KATNA1: variants seen among roughly 807,000 people sequenced by gnomAD.
KATNA1 encodes katanin p60 ATPase-containing subunit A1.
In KATNA1, 42 loss-of-function variants were observed where a neutral mutation model predicts 62.6. The ratio of observed to expected loss-of-function variants is 0.67; its 90% CI spans 0.52 to 0.87. KATNA1 has a LOEUF of 0.87. Ranked by LOEUF, KATNA1 falls within the 40% of genes least tolerant of loss-of-function variation. The pLI, the probability that KATNA1 is intolerant of heterozygous loss-of-function variation, is 0.00. For synonymous variants in KATNA1, 186 were observed against 201.9 expected, an observed-to-expected ratio of 0.92 and a Z score of 0.67; for missense variants, 498 against 612.5, an observed-to-expected ratio of 0.81 and a Z score of 1.97.
chr6:149,618,823 C>T (rs1329210157), intron 4 of KATNA1, among the ~76,000 whole-genome samples: 1 of 152,064 alleles, frequency 6.6e-6, no homozygotes. Context: ...ATATATAAAA[C>T]CAACTCAAAA....
At chr6:149,610,456 C>A (rs923452989) in intron 4 of KATNA1, among the ~76,000 whole-genome samples, 2 of 151,980 alleles carry the variant, frequency 1.3e-5, no homozygotes, top group Non-Finnish European at 2.9e-5. Flanking sequence ...TATCTTAAGC[C>A]AAAAACAAAC....
intron 4 of KATNA1, among the ~76,000 whole-genome samples, chr6:149,616,363 C>G (rs541410152): frequency 7.4e-4 from 112 of 152,106 alleles, no homozygotes; most frequent in Admixed American, 2.1e-3. Context: ...TCAAAGAAAC[C>G]CGAAAATAAC....
rs370641275 is a variant in KATNA1, at chr6:149,601,578, T to A, written c.888+16A>T. 14 of 1,587,558 alleles carry A rather than the reference T, an allele frequency of 8.8e-6. No homozygotes were observed. Among genetic ancestry groups the A allele is most frequent in the Non-Finnish European group, 1.0e-5 (12 of 1,167,444 alleles). ...TAGAGAGGTAAAGAATCATTAGAGC[T>A]GTCTCAAACATTCACCATTTCAAAC... On this transcript the variant is annotated intron_variant, in intron 7 of 10. Coordinates refer to ENST00000367411, the MANE Select transcript of KATNA1 (RefSeq NM_007044.4).
In KATNA1 at chr6:149,599,612, G is replaced by C. The variant is rs117937568; in HGVS notation, c.889-1262C>G. The stretch of plus-strand genomic sequence containing the variant: ...CTCTCTCTGTAACCTCTGCCACCCC[G>C]GTTCAAGCAATTCTCCTGCCTCAGC... On this transcript the variant is annotated intron_variant, in intron 7 of 10. Transcript: ENST00000367411. Among the ~76,000 whole-genome samples the C allele has an allele frequency of 7.6e-4, 115 of 151,750 alleles. 1 individual carries two copies. The highest frequency in any genetic ancestry group is 3.3e-3 in the South Asian group (16 of 4,794).
chr6:149,621,200 T>C (rs1398307582), intron 4 of KATNA1, among the ~76,000 whole-genome samples: 1 of 150,974 alleles, frequency 6.6e-6, no homozygotes, highest in Non-Finnish European at 1.5e-5. Context: ...CTTAGGTCAC[T>C]GCAAGCTCCA....
chr6:149,599,561 CCTCCCCTCTCCCCT>C (rs766418898), intron 7 of KATNA1, among the ~76,000 whole-genome samples: 3 of 147,052 alleles, frequency 2.0e-5, no homozygotes, highest in Non-Finnish European at 3.1e-5. Context: ...TTCTTTCTTT[CCTCCCCTCTCCCCT>C]CTCCCCTCTC....
chr6:149,628,356 GC>G (rs1779700617), intron 3 of KATNA1, among the ~76,000 whole-genome samples: 1 of 149,220 alleles, frequency 6.7e-6, no homozygotes, highest in African/African-American at 2.5e-5. Context: ...GCATCCGCCC[GC>G]CTCGACCTCC....
chr6:149,634,596 C>T (rs2114614686), intron 2 of KATNA1, among the ~76,000 whole-genome samples: 1 of 152,316 alleles, frequency 6.6e-6, no homozygotes, highest in South Asian at 2.1e-4. Flanking sequence ...ACCTCAAACT[C>T]CTGGGTTCAA....
Position 149,611,473 on chromosome 6 carries a change from AAAAAAAG to A in KATNA1, c.502-6698_502-6692del, listed in dbSNP as rs1360922643. On this transcript the variant is annotated intron_variant, in intron 4 of 10. Transcript: ENST00000367411. ...GCAAAACTCTGTCTCAAAAAAAAAAAAAAAAAGAAAAAAGAAAAAAGAAAAAAAAAGA... is the reference window on the plus strand; with the variant it reads ...GCAAAACTCTGTCTCAAAAAAAAAAAAAAAAAGAAAAAAGAAAAAAAAAGA... Among the ~76,000 whole-genome samples the A allele has an allele frequency of 9.2e-3, 1,365 of 147,968 alleles. 10 individuals carry two copies. The highest frequency in any genetic ancestry group is 0.027 in the African/African-American group (1,066 of 39,378).
rs138867332 is a variant in KATNA1, at chr6:149,624,834, A to G, written c.321-1551T>C. Among the ~76,000 whole-genome samples, 426 of 151,380 alleles carry G rather than the reference A, an allele frequency of 2.8e-3. 2 individuals carry two copies. Among genetic ancestry groups the G allele is most frequent in the Non-Finnish European group, 4.3e-3 (289 of 67,918 alleles). ...CTCAAATAAACCACAGTATAGTTAAACAGACAGAAGCTATGTAAAGCTAGG... is the reference window on the plus strand; with the variant it reads ...CTCAAATAAACCACAGTATAGTTAAGCAGACAGAAGCTATGTAAAGCTAGG... On this transcript the variant is annotated intron_variant, in intron 3 of 10. Coordinates refer to ENST00000367411, the MANE Select transcript of KATNA1 (RefSeq NM_007044.4).
At chr6:149,638,730 GTTTTTTT>G (rs1217719467) in intron 1 of KATNA1, 170 bp from the exon 2 acceptor site, 5 of 99,840 alleles carry the variant, frequency 5.0e-5, no homozygotes, top group South Asian at 3.2e-4. Flanking sequence ...AAAAAACATT[GTTTTTTT>G]TTTTTTTTTT....
intron 3 of KATNA1, among the ~76,000 whole-genome samples, chr6:149,628,537 C>T (rs751172105): frequency 1.2e-4 from 19 of 152,092 alleles, no homozygotes; most frequent in Non-Finnish European, 2.1e-4. Context: ...AAGAATGACT[C>T]TCGGCCGGGA....
chr6:149,631,959 T>C (rs776335681), intron 3 of KATNA1, among the ~76,000 whole-genome samples: 5 of 152,228 alleles, frequency 3.3e-5, no homozygotes, highest in Non-Finnish European at 7.3e-5. Flanking sequence ...CTGTTCTCTA[T>C]GAATTAAAAA....
intron 4 of KATNA1, among the ~76,000 whole-genome samples, chr6:149,610,940 C>T (rs1433680400): frequency 3.9e-5 from 6 of 152,122 alleles, no homozygotes. Context: ...CAAAAACTAG[C>T]CGGGCGTGGT....
chr6:149,607,808 G>A (rs1336331807), intron 4 of KATNA1, among the ~76,000 whole-genome samples: 1 of 152,152 alleles, frequency 6.6e-6, no homozygotes, highest in Non-Finnish European at 1.5e-5. Flanking sequence ...GCTCACGCCT[G>A]TAATCCCAGC....
chr6:149,601,572 T>C (rs1399320824), intron 7 of KATNA1, 22 bp downstream of exon 7: 9 of 1,580,128 alleles, frequency 5.7e-6, no homozygotes, highest in Non-Finnish European at 6.9e-6. Context: ...AAAGAATCAT[T>C]AGAGCTGTCT....
intron 4 of KATNA1, among the ~76,000 whole-genome samples, chr6:149,619,471 G>A (rs1046920392): frequency 6.6e-6 from 1 of 152,086 alleles, no homozygotes; most frequent in Non-Finnish European, 1.5e-5. Flanking sequence ...AAATTAGCTA[G>A]GCGTGGTAGC....
intron 7 of KATNA1, 68 bp from the exon 8 acceptor site, chr6:149,598,418 T>C: frequency 6.6e-7 from 1 of 1,520,172 alleles, no homozygotes; most frequent in African/African-American, 1.4e-5. Context: ...ATCTACAGAT[T>C]AGCAATCAGA....
chr6:149,645,467 A>AAAAG (rs1780450886), intron 1 of KATNA1, among the ~76,000 whole-genome samples: 1 of 151,592 alleles, frequency 6.6e-6, no homozygotes, highest in Non-Finnish European at 1.5e-5. Context: ...AAAAAAAAAA[A>AAAAG]AAAGAAAGAA....
Sources: allele counts gnomAD v4.1 joint callset (sites outside exome capture counted in the v4.1 genomes callset), GRCh38; gene constraint gnomAD v4.1.1; transcripts MANE v1.5; gene names NCBI Gene and HGNC (gene_info 2026-07-23, HGNC 2026-07-21).